BCAS3: variants seen among roughly 807,000 people sequenced by gnomAD.
The protein encoded by BCAS3 is BCAS4/BCAS3 fusion.
A neutral mutation model predicts 116.1 loss-of-function variants in BCAS3; 53 were observed. That is an observed-to-expected ratio of 0.46 (90% CI 0.37 to 0.57). The LOEUF is 0.57. BCAS3 is among the 20% of genes least tolerant of loss of function. The pLI, the probability that BCAS3 is intolerant of heterozygous loss-of-function variation, is 0.00. For synonymous variants in BCAS3, 391 were observed against 408.2 expected, an observed-to-expected ratio of 0.96 and a Z score of 0.51; for missense variants, 917 against 1,165.4, an observed-to-expected ratio of 0.79 and a Z score of 3.10.
At chr17:60,785,406 A>G (rs1419808090) in intron 6 of BCAS3, among the ~76,000 whole-genome samples, 9 of 151,982 alleles carry the variant, frequency 5.9e-5, no homozygotes, top group Non-Finnish European at 1.0e-4. Context: ...CAATCCACCT[A>G]CCTTGGCCTC....
intron 13 of BCAS3, among the ~76,000 whole-genome samples, chr17:60,928,715 A>AT (rs1249139845): frequency 1.3e-5 from 2 of 152,126 alleles, no homozygotes; most frequent in African/African-American, 4.8e-5. Context: ...GGAAGTCTGG[A>AT]TTTTTTCCTT....
intron 12 of BCAS3, among the ~76,000 whole-genome samples, chr17:60,923,331 A>G (rs866290009): frequency 3.3e-5 from 5 of 152,184 alleles, no homozygotes; most frequent in South Asian, 2.1e-4. Flanking sequence ...TGTGGTGTGC[A>G]AGTTGTATCT....
intron 4 of BCAS3, among the ~76,000 whole-genome samples, chr17:60,708,957 C>G (rs995101486): frequency 1.3e-5 from 2 of 152,146 alleles, no homozygotes; most frequent in African/African-American, 4.8e-5. Flanking sequence ...CCATGCCCAG[C>G]CCTGTTTTTT....
intron 7 of BCAS3, among the ~76,000 whole-genome samples, chr17:60,831,889 G>A (rs1447958824): frequency 6.6e-6 from 1 of 151,938 alleles, no homozygotes; most frequent in Non-Finnish European, 1.5e-5. Context: ...TTTTTGATTA[G>A]TCTTTTTCAC....
intron 10 of BCAS3, among the ~76,000 whole-genome samples, chr17:60,891,228 C>T (rs954320097): frequency 6.6e-6 from 1 of 152,128 alleles, no homozygotes; most frequent in Non-Finnish European, 1.5e-5. Flanking sequence ...TATAAATTGT[C>T]CCTTGGTTCT....
At chr17:61,109,986 C>T (rs985727171) in intron 22 of BCAS3, among the ~76,000 whole-genome samples, 7 of 152,096 alleles carry the variant, frequency 4.6e-5, no homozygotes, top group Non-Finnish European at 1.0e-4. Context: ...TGCATTTGCT[C>T]TTGGGTTCTT....
chr17:60,966,532 T>C (rs918680810), intron 14 of BCAS3, among the ~76,000 whole-genome samples: 1 of 152,142 alleles, frequency 6.6e-6, no homozygotes. Context: ...TATAGAGACA[T>C]CTTATAATAG....
At chr17:61,369,349 C>T (rs2058923386) in intron 23 of BCAS3, among the ~76,000 whole-genome samples, 1 of 152,146 alleles carries the variant, frequency 6.6e-6, no homozygotes, top group Admixed American at 6.5e-5. Context: ...TGCCTGAGTC[C>T]TCTCAAGACT....
At chr17:61,371,365 C>T (rs1425514204) in intron 23 of BCAS3, among the ~76,000 whole-genome samples, 1 of 152,158 alleles carries the variant, frequency 6.6e-6, no homozygotes, top group Admixed American at 6.5e-5. Flanking sequence ...TAAGCTGTAC[C>T]CTAGGGCAGG....
chr17:60,890,040 G>A (rs973053963), intron 10 of BCAS3, among the ~76,000 whole-genome samples: 4 of 152,186 alleles, frequency 2.6e-5, no homozygotes, highest in Admixed American at 1.3e-4. Flanking sequence ...CTATTAATTT[G>A]CAGCATTGAG....
intron 22 of BCAS3, among the ~76,000 whole-genome samples, chr17:61,210,715 CCTAA>C (rs1292526772): frequency 5.3e-5 from 8 of 152,086 alleles, no homozygotes; most frequent in African/African-American, 1.9e-4. Flanking sequence ...AAAGTGTTTC[CCTAA>C]CTGAGTAATA....
intron 19 of BCAS3, among the ~76,000 whole-genome samples, chr17:61,049,841 T>C (rs1247583800): frequency 6.6e-6 from 1 of 151,486 alleles, no homozygotes; most frequent in Non-Finnish European, 1.5e-5. Flanking sequence ...CAAGTGATTC[T>C]TCTGCCTCAG....
At chr17:61,320,407 C>T (rs772905938) in intron 22 of BCAS3, among the ~76,000 whole-genome samples, 21 of 151,808 alleles carry the variant, frequency 1.4e-4, no homozygotes, top group Non-Finnish European at 2.8e-4. Flanking sequence ...GAAGGCCAGG[C>T]GCCGTGGCTC....
intron 9 of BCAS3, 84 bp downstream of exon 9, chr17:60,874,822 C>T: frequency 1.3e-6 from 1 of 766,674 alleles, no homozygotes; most frequent in Non-Finnish European, 2.1e-6. Context: ...CTGTAATTTT[C>T]TCAACAGTAC....
chr17:61,103,322 C>T (rs1164651852), intron 22 of BCAS3, among the ~76,000 whole-genome samples: 1 of 152,078 alleles, frequency 6.6e-6, no homozygotes, highest in Non-Finnish European at 1.5e-5. Context: ...TGAGGCAGCT[C>T]TGAGAATCGT....
At chr17:60,824,523 A>C (rs1214809240) in intron 7 of BCAS3, among the ~76,000 whole-genome samples, 3 of 152,122 alleles carry the variant, frequency 2.0e-5, no homozygotes, top group Non-Finnish European at 4.4e-5. Context: ...ACAGGTCTTA[A>C]GCCTGTTTTC....
chr17:60,826,504 T>C (rs1389492012), intron 7 of BCAS3, among the ~76,000 whole-genome samples: 1 of 152,112 alleles, frequency 6.6e-6, no homozygotes. Flanking sequence ...CATATGAATT[T>C]TGGGGGACAC....
In BCAS3 at chr17:60,850,427, C is replaced by T. The variant is rs371953333; in HGVS notation, c.477-18149C>T. Among the ~76,000 whole-genome samples, 71 of 129,424 alleles carry T rather than the reference C, an allele frequency of 5.5e-4. No individual in the cohort carries two copies. In the South Asian group the frequency reaches 6.9e-3, roughly 13 times the overall value. The allele number at this position is 129,424 out of a possible 152,430, so 84.9% of individuals were successfully genotyped here. ...AGGTTGGAGTGCAATGGCGTGATCT[C>T]GGCTCTCTGCAACCTCTGCCTCCTC... On this transcript the variant is annotated intron_variant, in intron 7 of 23. Transcript: ENST00000407086.
At position 61,326,955 on chromosome 17, in the gene BCAS3, A is replaced by G. The variant is rs2055777942; in HGVS notation, c.2426-41372A>G. Among the ~76,000 whole-genome samples the G allele has an allele frequency of 6.6e-6, 1 of 152,236 alleles. No homozygotes were observed. Among genetic ancestry groups the G allele is most frequent in the African/African-American group, 2.4e-5 (1 of 41,470 alleles). On this transcript the variant is annotated intron_variant, in intron 22 of 23. Transcript: ENST00000407086. This position sits in a 1 kb window ranked among gnomAD's most constrained non-coding sequence, Gnocchi z 5.3. The stretch of plus-strand genomic sequence containing the variant: ...AGAAAAGAAAAAAGAAATAACAAAT[A>G]GTAGAAGGAAAAATATTTTTAAAGG...
Sources: allele counts gnomAD v4.1 joint callset (sites outside exome capture counted in the v4.1 genomes callset), GRCh38; gene constraint gnomAD v4.1.1; non-coding constraint Gnocchi (gnomAD v3.1); transcripts MANE v1.5; gene names NCBI Gene and HGNC (gene_info 2026-07-23, HGNC 2026-07-21).